The following THSD7B variants were observed in gnomAD, a reference collection of about 807,000 sequenced individuals.
THSD7B encodes the protein thrombospondin type 1 domain containing 7B.
A neutral mutation model predicts 213.6 loss-of-function variants in THSD7B; 138 were observed. That is an observed-to-expected ratio of 0.65 (90% CI 0.56 to 0.74). The LOEUF (loss-of-function observed/expected upper bound fraction) is 0.74. Ranked by LOEUF, THSD7B falls within the 30% of genes least tolerant of loss-of-function variation. THSD7B has a pLI of 0.00. For missense variants in THSD7B, 1,931 were observed against 1,991.5 expected, an observed-to-expected ratio of 0.97 and a Z score of 0.58; for synonymous variants, 742 against 687.0, an observed-to-expected ratio of 1.08 and a Z score of -1.25.
rs572778316 is a variant in THSD7B, at chr2:137,519,664, G to A, written c.3139-43557G>A. On this transcript the variant is annotated intron_variant, in intron 15 of 27. Coordinates refer to ENST00000409968, the MANE Select transcript of THSD7B (RefSeq NM_001316349.2). ...GGTTTCTAGCCCTAACAGTTTGAAGGTGAATATAGAAGGACAAGTCTGGGG... is the reference window on the plus strand; with the variant it reads ...GGTTTCTAGCCCTAACAGTTTGAAGATGAATATAGAAGGACAAGTCTGGGG... Among the ~76,000 whole-genome samples, 3 of 152,286 alleles carry A rather than the reference G, an allele frequency of 2.0e-5. No individual in the cohort carries two copies. In the East Asian group the frequency reaches 5.8e-4, roughly 29 times the overall value.
chr2:137,487,156 C>T (rs1413818369), intron 15 of THSD7B, among the ~76,000 whole-genome samples: 2 of 149,522 alleles, frequency 1.3e-5, no homozygotes, highest in African/African-American at 2.5e-5. Flanking sequence ...ATCATGAGGT[C>T]AGGAGATTGA....
intron 2 of THSD7B, among the ~76,000 whole-genome samples, chr2:136,935,096 T>C (rs572910522): frequency 1.3e-5 from 2 of 152,284 alleles, no homozygotes; most frequent in African/African-American, 4.8e-5. Flanking sequence ...TCAAAGGCAA[T>C]TAGAGGTTCA....
Position 137,211,994 on chromosome 2 carries a change from A to G in THSD7B, c.1724-19050A>G, listed in dbSNP as rs74542395. On this transcript the variant is annotated intron_variant, in intron 7 of 27. Transcript: ENST00000409968. ...CTACCATGCTGGAGCTAAATAAACA[A>G]TAAACAAAGGGGGAATCCTAATGTG... Among the ~76,000 whole-genome samples, 326 of 152,204 alleles carry G rather than the reference A, an allele frequency of 2.1e-3. 1 individual carries two copies. The highest frequency in any genetic ancestry group is 7.4e-3 in the African/African-American group (309 of 41,568).
intron 12 of THSD7B, among the ~76,000 whole-genome samples, chr2:137,367,805 G>C (rs1056467388): frequency 1.3e-5 from 2 of 152,112 alleles, no homozygotes; most frequent in African/African-American, 4.8e-5. Context: ...TTCAGAAAGA[G>C]TGAGCATGAG....
chr2:136,862,793 A>G (rs941284311), intron 1 of THSD7B, among the ~76,000 whole-genome samples: 20 of 152,230 alleles, frequency 1.3e-4, no homozygotes, highest in African/African-American at 4.1e-4. Flanking sequence ...TGAGCAGACT[A>G]CAAAACTTAG....
At chr2:137,482,475 G>T (rs1370965443) in intron 15 of THSD7B, among the ~76,000 whole-genome samples, 3 of 152,148 alleles carry the variant, frequency 2.0e-5, no homozygotes, top group Non-Finnish European at 4.4e-5. Context: ...GATGAATGTG[G>T]CATAGCATAT....
chr2:137,396,067 A>C (rs1352652432), intron 12 of THSD7B, among the ~76,000 whole-genome samples: 6 of 151,268 alleles, frequency 4.0e-5, no homozygotes, highest in Admixed American at 2.6e-4. Context: ...TTTCTTTATT[A>C]GTCTTGCTAG....
rs577106428 is a variant in THSD7B, at chr2:136,851,375, G to A, written c.-35-30769G>A. 1.4e-4 allele frequency among the ~76,000 whole-genome samples: 22 copies of A among 152,044 alleles called. No individual in the cohort carries two copies. In the East Asian group the frequency reaches 2.1e-3, roughly 15 times the overall value. On this transcript the variant is annotated intron_variant, in intron 1 of 27. Transcript: ENST00000409968. ...CCATGTCTCTTAACAGCAGCACCTT[G>A]CCATTATTTTTTGCTTTTTGTCTTT...
chr2:137,070,426 T>A (rs1687458301), intron 3 of THSD7B, among the ~76,000 whole-genome samples: 2 of 152,000 alleles, frequency 1.3e-5, no homozygotes, highest in African/African-American at 4.8e-5. Context: ...CTACTGCACT[T>A]GTATTTTCAT....
chr2:137,533,904 C>A (rs1680449295), intron 15 of THSD7B, among the ~76,000 whole-genome samples: 1 of 151,864 alleles, frequency 6.6e-6, no homozygotes, highest in South Asian at 2.1e-4. Context: ...ATTAATTTGG[C>A]AACTACAATC....
At chr2:136,822,695 C>G (rs1682584781) in intron 1 of THSD7B, among the ~76,000 whole-genome samples, 1 of 152,100 alleles carries the variant, frequency 6.6e-6, no homozygotes, top group Non-Finnish European at 1.5e-5. Context: ...GGGAATGTCC[C>G]ATGGAAGGAG....
intron 1 of THSD7B, among the ~76,000 whole-genome samples, chr2:136,783,087 A>G (rs1385467511): frequency 2.0e-5 from 3 of 152,158 alleles, no homozygotes; most frequent in Admixed American, 6.5e-5. Context: ...CTTCTTCATT[A>G]TATTAGACAC....
intron 12 of THSD7B, among the ~76,000 whole-genome samples, chr2:137,289,098 A>G (rs1573936895): frequency 6.6e-6 from 1 of 152,014 alleles, no homozygotes; most frequent in East Asian, 1.9e-4. Flanking sequence ...ATATTAATCT[A>G]TTTTTCTTTT....
rs191311653 is a variant in THSD7B at position 137,101,441 on chromosome 2, A to G, written c.1199+6320A>G. Among the ~76,000 whole-genome samples the G allele has an allele frequency of 3.3e-5, 5 of 152,356 alleles. No individual in the cohort carries two copies. In the East Asian group the frequency reaches 9.6e-4, roughly 29 times the overall value. ...AACAGATTCTCTAAGGAAGCTTTTC[A>G]AAAATTGTTTAAGAAGCTTTTCTGC... On this transcript the variant is annotated intron_variant, in intron 4 of 27. Coordinates refer to ENST00000409968, the MANE Select transcript of THSD7B (RefSeq NM_001316349.2).
rs1249108759 is a variant in THSD7B, at chr2:137,642,481, A to G, written c.3800-7A>G. On this transcript the variant is annotated splice_polypyrimidine_tract_variant and splice_region_variant and intron_variant, in intron 20 of 27. Transcript: ENST00000409968. ...CTGAAAAGCTGACACCTCCCTTATC[A>G]TTTTAGGTCGAATGAGCCGGACTCG... is the stretch of plus-strand genomic sequence containing the variant. The G allele has an allele frequency of 1.2e-6, 2 of 1,613,362 alleles. No individual in the cohort carries two copies. Among genetic ancestry groups the G allele is most frequent in the African/African-American group, 2.7e-5 (2 of 74,882 alleles).
intron 13 of THSD7B, among the ~76,000 whole-genome samples, chr2:137,409,784 G>A (rs576275600): frequency 6.6e-6 from 1 of 152,266 alleles, no homozygotes; most frequent in South Asian, 2.1e-4. Context: ...AAAAAGATAT[G>A]TTACGATGGA....
At chr2:137,615,143 C>G (rs1682360025) in intron 17 of THSD7B, among the ~76,000 whole-genome samples, 1 of 152,042 alleles carries the variant, frequency 6.6e-6, no homozygotes, top group African/African-American at 2.4e-5. Context: ...AAGTAGAAGC[C>G]ATGATCCAAC....
chr2:137,306,229 G>A (rs188678587), intron 12 of THSD7B, among the ~76,000 whole-genome samples: 70 of 152,168 alleles, frequency 4.6e-4, no homozygotes, highest in Admixed American at 3.7e-3. Flanking sequence ...TAGGTGATAG[G>A]AATTTTTCTG....
At chr2:137,398,265 C>G (rs1326936679) in intron 12 of THSD7B, among the ~76,000 whole-genome samples, 1 of 148,764 alleles carries the variant, frequency 6.7e-6, no homozygotes, top group Non-Finnish European at 1.5e-5. Flanking sequence ...TCCAGTTTTT[C>G]TGTTCTGTTT....
Sources: gnomAD v4.1 joint callset for allele counts (sites outside exome capture counted in the v4.1 genomes callset) on GRCh38, gnomAD v4.1.1 for gene constraint, MANE v1.5 for transcripts, NCBI Gene and HGNC (gene_info 2026-07-23, HGNC 2026-07-21) for gene names.